Variants in GBP6 observed in about 807,000 individuals in gnomAD.
GBP6 encodes the protein guanylate binding protein family member 6.
A neutral mutation model predicts 61.5 loss-of-function variants in GBP6; 54 were observed. That is an observed-to-expected ratio of 0.88 (90% confidence interval 0.71 to 1.10). The LOEUF is 1.10. Among genes scored for constraint, GBP6 ranks in the 50% least tolerant of loss-of-function variants. The probability of loss-of-function intolerance (pLI) is 0.00; values close to 1 mark genes in which losing one functional copy is unlikely to be tolerated. For missense variants in GBP6, 748 were observed against 752.8 expected (o/e 0.99, Z 0.07); for synonymous variants, 255 against 273.7 (o/e 0.93, Z 0.67).
At chr1:89,369,457 G>T in intron 2 of GBP6, 89 bp from the exon 3 acceptor site, 1 of 1,460,698 alleles carries the variant, frequency 6.8e-7, no homozygotes, top group Non-Finnish European at 9.2e-7. Context: ...TGTTGGGGTA[G>T]TTACAATCCA....
Position 89,385,709 on chromosome 1 carries a change from T to G in GBP6, c.*240T>G. ...CACCACACCCAGCTAATTTTTGTAT[T>G]TTTAGTAGAGATGGGGTTTCACTAT... is the stretch of plus-strand genomic sequence containing the variant. On this transcript the variant is annotated 3_prime_UTR_variant, in exon 11 of 11. Transcript: ENST00000370456. The G allele has an allele frequency of 2.9e-6, 1 of 347,262 alleles. No individual in the cohort carries two copies. The highest frequency in any genetic ancestry group is 5.4e-5 in the East Asian group (1 of 18,686). 21.5% of individuals were successfully genotyped at this position (347,262 alleles called of 1,614,324 possible).
chr1:89,372,908 T>G (rs1340303731), intron 3 of GBP6, among the ~76,000 whole-genome samples: 1 of 151,542 alleles, frequency 6.6e-6, no homozygotes, highest in Non-Finnish European at 1.5e-5. Context: ...TTTTTGCAAT[T>G]GACTCATCTG....
In GBP6 at chr1:89,386,781, C is replaced by T. The variant is rs990024093; in HGVS notation, c.*1312C>T. Among the ~76,000 whole-genome samples the T allele has an allele frequency of 3.3e-5, 5 of 152,148 alleles. No individual in the cohort carries two copies. The highest frequency in any genetic ancestry group is 1.9e-4 in the East Asian group (1 of 5,194). ...AACCTTGTCAGTAGTGGTCTTTTTGCGGTAGCCTCAGATAGAAAGGACAAT... is the reference window on the plus strand; with the variant it reads ...AACCTTGTCAGTAGTGGTCTTTTTGTGGTAGCCTCAGATAGAAAGGACAAT... On this transcript the variant is annotated 3_prime_UTR_variant, in exon 11 of 11. Transcript: ENST00000370456.
At chr1:89,365,151 A>G (rs1395652357) in intron 1 of GBP6, among the ~76,000 whole-genome samples, 1 of 152,360 alleles carries the variant, frequency 6.6e-6, no homozygotes, top group Non-Finnish European at 1.5e-5. Flanking sequence ...AAAAGAAACT[A>G]TCATCAGAGT....
chr1:89,383,784 G>C (rs780278665), intron 9 of GBP6, 30 bp downstream of exon 9: 29 of 1,501,112 alleles, frequency 1.9e-5, no homozygotes, highest in Non-Finnish European at 2.6e-5. Context: ...TTACACAGGA[G>C]GGGTACGTTT....
chr1:89,366,256 A>G (rs915120007), intron 1 of GBP6, among the ~76,000 whole-genome samples: 1 of 152,162 alleles, frequency 6.6e-6, no homozygotes, highest in African/African-American at 2.4e-5. Context: ...ATGTATTGTT[A>G]TTCTTATTCT....
chr1:89,378,738 A>C, intron 5 of GBP6, 125 bp downstream of exon 5: 1 of 714,380 alleles, frequency 1.4e-6, no homozygotes, highest in Non-Finnish European at 2.3e-6. Flanking sequence ...ACGGGGACTG[A>C]GGGGTATGTT....
Position 89,368,712 on chromosome 1 carries a change from T to C in GBP6, c.161T>C (p.Leu54Ser), listed in dbSNP as rs1158834112. The C allele has an allele frequency of 2.5e-6, 4 of 1,613,532 alleles. No individual in the cohort carries two copies. The African/African-American group carries it at 4.0e-5, about 16-fold the overall frequency. Residue 54 changes from leucine (L) to serine (S), a missense_variant, in exon 2 of 11, where the codon TTG becomes TCG. Transcript: ENST00000370456. ...CTGTACCGTACAGGGAAATCCTACT[T>C]GATGAACCATCTGGCAGGACAGAAT... ...VGLYRTGKSYLMNHLAGQNHG... is the reference protein window; with the variant it reads ...VGLYRTGKSYSMNHLAGQNHG...
At position 89,381,986 on chromosome 1, in the gene GBP6, T is replaced by C; in HGVS notation, c.1152+12T>C. ...AGAAGAAGTTCATGGTAATTTGCCTTAGTCATTACTGTTCATCATCCTTCC... is the reference window on the plus strand; with the variant it reads ...AGAAGAAGTTCATGGTAATTTGCCTCAGTCATTACTGTTCATCATCCTTCC... On this transcript the variant is annotated intron_variant, in intron 7 of 10. Coordinates refer to ENST00000370456, the MANE Select transcript of GBP6 (RefSeq NM_198460.3). The C allele has an allele frequency of 3.8e-6, 6 of 1,590,864 alleles. No homozygotes were observed. The highest frequency in any genetic ancestry group is 5.1e-6 in the Non-Finnish European group (6 of 1,166,030).
At chr1:89,374,609 A>T (rs1652752780) in intron 3 of GBP6, among the ~76,000 whole-genome samples, 1 of 152,186 alleles carries the variant, frequency 6.6e-6, no homozygotes, top group African/African-American at 2.4e-5. Flanking sequence ...CTCCTTTGGT[A>T]ATAGCCATCT....
Position 89,369,807 on chromosome 1 carries a change from A to T in GBP6, c.318+134A>T, listed in dbSNP as rs527726749. 11 of 1,025,836 alleles carry T rather than the reference A, an allele frequency of 1.1e-5. No individual in the cohort carries two copies. The African/African-American group carries it at 1.5e-4, about 14-fold the overall frequency. The allele number at this position is 1,025,836 out of a possible 1,614,324, so 63.5% of individuals were successfully genotyped here. ...GCAAACTTTGACCTGTTTGAATCAC[A>T]CTTCTAGACAAGGTTAGATATCATG... On this transcript the variant is annotated intron_variant, in intron 3 of 10. Coordinates refer to ENST00000370456, the MANE Select transcript of GBP6 (RefSeq NM_198460.3).
chr1:89,374,208 T>G (rs980382187), intron 3 of GBP6, among the ~76,000 whole-genome samples: 3 of 152,156 alleles, frequency 2.0e-5, no homozygotes, highest in Non-Finnish European at 4.4e-5. Context: ...GTGTATGTCT[T>G]TATTGGGCAG....
rs1652936042 is a variant in GBP6 at position 89,380,408 on chromosome 1, A to G, written c.648A>G (p.Thr216=). ...CAGGCAATAATCCCAGAGTTCAAAC[A>G]TCCAATTTTCCCAGGGAGTGCATCA... The part of the protein sequence containing the change: ...LIQGNNPRVQ[T]SNFPRECIRR... The change falls in exon 6 of 11, where the codon ACA becomes ACG. Residue 216 remains threonine (T), a synonymous_variant. Coordinates refer to ENST00000370456, the MANE Select transcript of GBP6 (RefSeq NM_198460.3). 17 of 1,613,808 alleles carry G rather than the reference A, an allele frequency of 1.1e-5. No homozygotes were observed. Among genetic ancestry groups the G allele is most frequent in the Admixed American group, 1.7e-5 (1 of 60,014 alleles).
Position 89,380,493 on chromosome 1 carries a change from CT to C in GBP6, c.735del (p.Leu246Ter), listed in dbSNP as rs1415122888. On this transcript the variant is annotated frameshift_variant, in exon 6 of 11. Coordinates refer to ENST00000370456, the MANE Select transcript of GBP6 (RefSeq NM_198460.3). LOFTEE classifies it high-confidence loss of function. ...VFDRPTNDKD[L>X]LANIEKVSEK... is the part of the protein sequence containing the mutation. The stretch of plus-strand genomic sequence containing the variant: ...TGACCGGCCAACAAATGACAAAGAC[CT>C]TCTAGCCAATATTGAGAAGGTGTCA... The C allele has an allele frequency of 1.2e-6, 2 of 1,613,962 alleles. No individual in the cohort carries two copies. Among genetic ancestry groups the C allele is most frequent in the African/African-American group, 1.3e-5 (1 of 74,894 alleles).
At position 89,378,455 on chromosome 1, in the gene GBP6, C is replaced by A; in HGVS notation, c.467C>A (p.Ser156Tyr). 2.5e-6 allele frequency: 4 copies of A among 1,614,082 alleles called. No homozygotes were observed. The highest frequency in any genetic ancestry group is 2.7e-5 in the African/African-American group (2 of 75,032). The change falls in exon 5 of 11, where the codon TCC (serine) becomes TAC (tyrosine). Residue 156 changes from serine (S) to tyrosine (Y), a missense_variant. Physicochemically the swap from Ser to Tyr is moderately radical, Grantham distance 144. Transcript: ENST00000370456. ...CTCACAGAACTAATTAAGGCAAAGT[C>A]CTCCCCAAGGCCTGATGGAGTAGAA... ...TELTELIKAK[S>Y]SPRPDGVEDS...
At chr1:89,367,608 T>TGCAACAACTAAC (rs1443998073) in intron 1 of GBP6, among the ~76,000 whole-genome samples, 2 of 152,248 alleles carry the variant, frequency 1.3e-5, no homozygotes, top group South Asian at 2.1e-4. Flanking sequence ...ATTGCCTTTT[T>TGCAACAACTAAC]ACTCTGTTGA....
chr1:89,372,756 A>T (rs1230815898), intron 3 of GBP6, among the ~76,000 whole-genome samples: 3 of 152,234 alleles, frequency 2.0e-5, no homozygotes, highest in Non-Finnish European at 4.4e-5. Flanking sequence ...AGGCATGGGC[A>T]AAGACTTCAT....
At chr1:89,365,465 T>C (rs1018404784) in intron 1 of GBP6, among the ~76,000 whole-genome samples, 3 of 152,244 alleles carry the variant, frequency 2.0e-5, no homozygotes, top group African/African-American at 7.2e-5. Context: ...CCATTTTCCT[T>C]ACTCCCCTCA....
Position 89,388,140 on chromosome 1 carries a change from A to G in GBP6, c.*2671A>G, listed in dbSNP as rs1019069275. ...TGTAACTTCATGTATCACAGTCTCT[A>G]TAAAACTATATCAAAGAAAGAATTT... On this transcript the variant is annotated 3_prime_UTR_variant, in exon 11 of 11. Coordinates refer to ENST00000370456, the MANE Select transcript of GBP6 (RefSeq NM_198460.3). Among the ~76,000 whole-genome samples, 1 of 152,204 alleles carries G rather than the reference A, an allele frequency of 6.6e-6. No individual in the cohort carries two copies. Among genetic ancestry groups the G allele is most frequent in the African/African-American group, 2.4e-5 (1 of 41,452 alleles).
Sources: allele counts gnomAD v4.1 joint callset (sites outside exome capture counted in the v4.1 genomes callset), GRCh38; gene constraint gnomAD v4.1.1; transcripts MANE v1.5; gene names NCBI Gene and HGNC (gene_info 2026-07-23, HGNC 2026-07-21).